The following CTBP2 variants were observed in gnomAD, a reference collection of about 807,000 sequenced individuals.
CTBP2 encodes C-terminal-binding protein 2.
CTBP2 carries 30 observed loss-of-function variants against 80.3 expected under a neutral mutation model. That is an observed-to-expected ratio of 0.37 (90% CI 0.28 to 0.51). The LOEUF (loss-of-function observed/expected upper bound fraction) is 0.51, where lower values mean the gene tolerates loss of function less well. Among genes scored for constraint, CTBP2 ranks in the 20% least tolerant of loss-of-function variants. CTBP2 has a pLI of 0.93. For synonymous variants in CTBP2, 594 were observed against 587.4 expected, an observed-to-expected ratio of 1.01 and a Z score of -0.16; for missense variants, 1,212 against 1,375.3, an observed-to-expected ratio of 0.88 and a Z score of 1.88.
rs1424105554 is a variant in CTBP2, at chr10:124,987,073, A to C, written c.*2445T>G. 6.6e-6 allele frequency: 1 copy of C among 152,624 alleles called. No individual in the cohort carries two copies. Among genetic ancestry groups the C allele is most frequent in the Non-Finnish European group, 1.5e-5 (1 of 68,036 alleles). 9.5% of individuals were successfully genotyped at this position (152,624 alleles called of 1,614,324 possible). Reference sequence around the variant, plus strand: ...AAGATGGTTCCATTTCCTAGGCTACAGACAGGAATGGGGCTCTAAATGGTT... The same window carrying C: ...AAGATGGTTCCATTTCCTAGGCTACCGACAGGAATGGGGCTCTAAATGGTT... On this transcript the variant is annotated 3_prime_UTR_variant, in exon 9 of 9. Coordinates refer to ENST00000309035, the MANE Select transcript of CTBP2 (RefSeq NM_022802.3).
At chr10:125,145,518 G>A (rs1256807162) in intron 1 of CTBP2, among the ~76,000 whole-genome samples, 1 of 152,142 alleles carries the variant, frequency 6.6e-6, no homozygotes, top group African/African-American at 2.4e-5. Context: ...GCACGGCAGG[G>A]GGCCAGAGAA....
intron 2 of CTBP2, among the ~76,000 whole-genome samples, chr10:125,103,513 G>C: frequency 6.6e-6 from 1 of 152,074 alleles, no homozygotes; most frequent in East Asian, 1.9e-4. Context: ...AGACACCCTT[G>C]GCTGCTGCAC....
In CTBP2 at chr10:125,076,329, C is replaced by T. The variant is rs970977906; in HGVS notation, c.-102+34661G>A. ...GTCCAGGCAGCAGCTGGGTTCTAGC[C>T]CCAGCTCAACCACTTTGGGAGCACG... On this transcript the variant is annotated intron_variant, in intron 2 of 10. Coordinates refer to the CTBP2 transcript ENST00000337195. 2.0e-5 allele frequency among the ~76,000 whole-genome samples: 3 copies of T among 152,186 alleles called. No individual in the cohort carries two copies. The South Asian group carries it at 6.2e-4, about 31-fold the overall frequency.
intron 1 of CTBP2, among the ~76,000 whole-genome samples, chr10:125,008,213 T>C (rs971208627): frequency 6.6e-6 from 1 of 152,204 alleles, no homozygotes; most frequent in African/African-American, 2.4e-5. Flanking sequence ...CCCAAAATGC[T>C]GGGATTACAG....
chr10:125,153,581 T>G (rs1591132788), intron 1 of CTBP2, among the ~76,000 whole-genome samples: 1 of 152,098 alleles, frequency 6.6e-6, no homozygotes, highest in African/African-American at 2.4e-5. Flanking sequence ...CTCCTCTCAT[T>G]TCCCCTCTCC....
At position 124,986,702 on chromosome 10, in the gene CTBP2, A is replaced by G. The variant is rs914318144; in HGVS notation, c.*2816T>C. ...CCAATAAGTAATCAAGTTTGTAGAA[A>G]ATGTTAGCATTCTGACTACTTAGCA... is the stretch of plus-strand genomic sequence containing the variant. On this transcript the variant is annotated 3_prime_UTR_variant, in exon 9 of 9. Transcript: ENST00000309035. 3.3e-5 allele frequency: 5 copies of G among 152,186 alleles called. No individual in the cohort carries two copies. Among genetic ancestry groups the G allele is most frequent in the African/African-American group, 4.8e-5 (2 of 41,444 alleles). 9.4% of individuals were successfully genotyped at this position (152,186 alleles called of 1,614,324 possible).
chr10:125,069,299 C>A (rs1845102605), intron 2 of CTBP2, among the ~76,000 whole-genome samples: 2 of 152,224 alleles, frequency 1.3e-5, no homozygotes, highest in African/African-American at 4.8e-5. Flanking sequence ...TAAACGCCCA[C>A]AATGATGAGT....
intron 1 of CTBP2, among the ~76,000 whole-genome samples, chr10:125,122,257 A>G (rs1471937502): frequency 1.3e-5 from 2 of 152,372 alleles, no homozygotes; most frequent in South Asian, 2.1e-4. Flanking sequence ...ACCTTTCAGC[A>G]TGGATGTTCA....
At chr10:125,071,830 C>A (rs1845527364) in intron 2 of CTBP2, among the ~76,000 whole-genome samples, 1 of 152,112 alleles carries the variant, frequency 6.6e-6, no homozygotes, top group Non-Finnish European at 1.5e-5. Flanking sequence ...AGACCCTGCA[C>A]CTTTGCAAAT....
intron 1 of CTBP2, among the ~76,000 whole-genome samples, chr10:125,114,739 T>C (rs1457783959): frequency 1.3e-5 from 2 of 152,040 alleles, no homozygotes; most frequent in African/African-American, 2.4e-5. Context: ...CTTGAACTCA[T>C]AGCGTTCTTT....
At chr10:125,009,600 C>G (rs1465205324) in intron 1 of CTBP2, among the ~76,000 whole-genome samples, 2 of 152,198 alleles carry the variant, frequency 1.3e-5, no homozygotes, top group Non-Finnish European at 2.9e-5. Flanking sequence ...CTCAGCAGAC[C>G]TGATTTCTAG....
At chr10:125,119,633 C>A (rs375157249) in intron 1 of CTBP2, among the ~76,000 whole-genome samples, 142 of 152,306 alleles carry the variant, frequency 9.3e-4, no homozygotes, top group African/African-American at 3.2e-3. Context: ...TTCAGTGAAT[C>A]TCATTTTTAG....
chr10:125,069,894 C>CG (rs1207090581), intron 2 of CTBP2, among the ~76,000 whole-genome samples: 4 of 130,944 alleles, frequency 3.1e-5, no homozygotes, highest in East Asian at 2.1e-4. Context: ...CCCTCCCCCC[C>CG]CCACACAAAC....
At chr10:125,080,305 C>G (rs1233829341) in intron 2 of CTBP2, among the ~76,000 whole-genome samples, 1 of 151,982 alleles carries the variant, frequency 6.6e-6, no homozygotes, top group Non-Finnish European at 1.5e-5. Context: ...AACACACACC[C>G]ACACCGTCAA....
chr10:124,994,301 C>T (rs924299285), intron 5 of CTBP2, among the ~76,000 whole-genome samples, 168 bp downstream of exon 7: 6 of 152,186 alleles, frequency 3.9e-5, no homozygotes, highest in Non-Finnish European at 5.9e-5. Flanking sequence ...TGGCTCAGCC[C>T]GAGGAAGGGG....
At chr10:125,142,343 C>G (rs1434168004) in intron 1 of CTBP2, among the ~76,000 whole-genome samples, 1 of 152,126 alleles carries the variant, frequency 6.6e-6, no homozygotes, top group African/African-American at 2.4e-5. Context: ...CATGCATAAT[C>G]CTTGGATATT....
intron 1 of CTBP2, among the ~76,000 whole-genome samples, chr10:125,134,692 A>C (rs945290828): frequency 6.6e-6 from 1 of 152,094 alleles, no homozygotes; most frequent in African/African-American, 2.4e-5. Flanking sequence ...GAACCTGACC[A>C]ATGAGGGAGG....
chr10:125,056,722 C>T (rs1285652650), intron 2 of CTBP2, among the ~76,000 whole-genome samples: 2 of 152,218 alleles, frequency 1.3e-5, no homozygotes, highest in Admixed American at 6.5e-5. Flanking sequence ...CACTCTTAGT[C>T]GAGGGATGTT....
intron 1 of CTBP2, among the ~76,000 whole-genome samples, chr10:125,124,784 AATTAT>A (rs1439875157): frequency 2.6e-5 from 4 of 152,258 alleles, no homozygotes; most frequent in African/African-American, 9.6e-5. Context: ...AAACTCTTTC[AATTAT>A]AATTCAAAGC....
Sources: gnomAD v4.1 joint callset for allele counts (sites outside exome capture counted in the v4.1 genomes callset) on GRCh38, gnomAD v4.1.1 for gene constraint, MANE v1.5 for transcripts, NCBI Gene and HGNC (gene_info 2026-07-23, HGNC 2026-07-21) for gene names.